MAML2: variants seen among roughly 807,000 people sequenced by gnomAD.
The protein encoded by MAML2 is mastermind like transcriptional coactivator 2, also known as mastermind-like protein 2.
MAML2 carries 22 observed loss-of-function variants against 96.1 expected under a neutral mutation model. The ratio of observed to expected loss-of-function variants is 0.23; its 90% CI spans 0.16 to 0.33. The LOEUF is 0.33. MAML2 is among the 10% of genes least tolerant of loss of function. The pLI is 1.00. For missense variants in MAML2, 1,367 were observed against 1,392.4 expected (o/e 0.98, Z 0.29); for synonymous variants, 561 against 521.3 (o/e 1.08, Z -1.04).
intron 1 of MAML2, among the ~76,000 whole-genome samples, chr11:96,145,353 G>A (rs1860799968): frequency 6.6e-6 from 1 of 152,172 alleles, no homozygotes; most frequent in South Asian, 2.1e-4. Flanking sequence ...ATCCTTGGAT[G>A]GAGACCAAGA....
At chr11:96,176,454 T>C (rs1289649015) in intron 1 of MAML2, among the ~76,000 whole-genome samples, 1 of 152,166 alleles carries the variant, frequency 6.6e-6, no homozygotes, top group Non-Finnish European at 1.5e-5. Context: ...AGCAGGGGAC[T>C]CATCTTGAGG....
chr11:96,287,975 C>T lies in MAML2; in HGVS notation c.513+53408G>A, dbSNP rs1047852237. On this transcript the variant is annotated intron_variant, in intron 1 of 4. Coordinates refer to ENST00000524717, the MANE Select transcript of MAML2 (RefSeq NM_032427.4). ...ACGGAGACACTGAATCCCAAAAGGG[C>T]CCTACATAAACTCTGAGAGTAAGCG... 5.3e-5 allele frequency among the ~76,000 whole-genome samples: 8 copies of T among 152,108 alleles called. No homozygotes were observed. In the East Asian group the frequency reaches 1.3e-3, roughly 26 times the overall value.
chr11:96,009,149 A>G (rs1427162157), intron 2 of MAML2, among the ~76,000 whole-genome samples: 1 of 152,242 alleles, frequency 6.6e-6, no homozygotes, highest in Non-Finnish European at 1.5e-5. Context: ...CATATAGGTC[A>G]TATGGAAGGA....
chr11:96,306,168 C>T (rs1591124308), intron 1 of MAML2, among the ~76,000 whole-genome samples: 1 of 152,020 alleles, frequency 6.6e-6, no homozygotes, highest in East Asian at 1.9e-4. Context: ...TTCAGTTGTG[C>T]CTTTGATCAC....
intron 1 of MAML2, among the ~76,000 whole-genome samples, chr11:96,218,551 T>C (rs1313278364): frequency 6.6e-6 from 1 of 152,212 alleles, no homozygotes; most frequent in Non-Finnish European, 1.5e-5. Context: ...TCCACAAAAT[T>C]ACTTTTGTGA....
chr11:96,213,379 T>C (rs936523423), intron 1 of MAML2, among the ~76,000 whole-genome samples: 1 of 152,220 alleles, frequency 6.6e-6, no homozygotes, highest in Admixed American at 6.5e-5. Flanking sequence ...CTCCTAATTC[T>C]ACTCTACTTT....
At chr11:96,121,779 G>GTTTTTTTTTTTTTTTTTTTTTTT (rs1405872923) in intron 1 of MAML2, among the ~76,000 whole-genome samples, 3 of 40,806 alleles carry the variant, frequency 7.4e-5, no homozygotes, top group Non-Finnish European at 1.4e-4. Flanking sequence ...CCAACTGCGT[G>GTTTTTTTTTTTTTTTTTTTTTTT]ATTTTTTTTT....
intron 2 of MAML2, among the ~76,000 whole-genome samples, chr11:96,066,404 C>A (rs1332246785): frequency 6.6e-6 from 1 of 152,152 alleles, no homozygotes; most frequent in African/African-American, 2.4e-5. Flanking sequence ...CTCAAAGGAC[C>A]CTCTGCCCAC....
At chr11:96,318,553 C>G (rs948359593) in intron 1 of MAML2, among the ~76,000 whole-genome samples, 1 of 151,854 alleles carries the variant, frequency 6.6e-6, no homozygotes, top group Non-Finnish European at 1.5e-5. Flanking sequence ...AAACAGATAC[C>G]CCTATTTCCT....
intron 1 of MAML2, among the ~76,000 whole-genome samples, chr11:96,251,489 G>A (rs914554010): frequency 6.6e-6 from 1 of 152,184 alleles, no homozygotes; most frequent in Non-Finnish European, 1.5e-5. Flanking sequence ...CAGAACTTAT[G>A]TAAGTAAATT....
chr11:96,174,524 C>T (rs1034176843), intron 1 of MAML2, among the ~76,000 whole-genome samples: 7 of 152,196 alleles, frequency 4.6e-5, no homozygotes, highest in African/African-American at 1.7e-4. Context: ...GCTTGGATTA[C>T]AGGCACCCGC....
At chr11:96,184,225 G>C (rs1322874746) in intron 1 of MAML2, among the ~76,000 whole-genome samples, 1 of 152,108 alleles carries the variant, frequency 6.6e-6, no homozygotes, top group Non-Finnish European at 1.5e-5. Flanking sequence ...GGCAGATCAC[G>C]AGGTCAGGAG....
chr11:96,119,644 G>GT (rs1860301458), intron 1 of MAML2, among the ~76,000 whole-genome samples: 1 of 152,172 alleles, frequency 6.6e-6, no homozygotes, highest in South Asian at 2.1e-4. Context: ...ACATAACCCA[G>GT]TTATCAGAGC....
intron 1 of MAML2, among the ~76,000 whole-genome samples, chr11:96,105,898 C>T (rs1416258939): frequency 6.6e-6 from 1 of 151,628 alleles, no homozygotes; most frequent in Non-Finnish European, 1.5e-5. Context: ...AAAACCTACA[C>T]TCCAGGCAAT....
chr11:96,067,704 A>C (rs1859266738), intron 2 of MAML2, among the ~76,000 whole-genome samples: 1 of 152,234 alleles, frequency 6.6e-6, no homozygotes, highest in Non-Finnish European at 1.5e-5. Flanking sequence ...GAGTTATTTG[A>C]ATATGATATT....
chr11:96,139,281 T>C (rs367838662), intron 1 of MAML2, among the ~76,000 whole-genome samples: 2 of 151,926 alleles, frequency 1.3e-5, no homozygotes, highest in Admixed American at 6.6e-5. Context: ...ATCGAGACCA[T>C]CCTGGCTAAC....
At chr11:96,231,238 G>A (rs919282170) in intron 1 of MAML2, among the ~76,000 whole-genome samples, 4 of 151,988 alleles carry the variant, frequency 2.6e-5, no homozygotes, top group Admixed American at 6.6e-5. Context: ...TCACAACTCC[G>A]AAAACACTTT....
chr11:96,185,772 T>C (rs1861565767), intron 1 of MAML2, among the ~76,000 whole-genome samples: 5 of 152,232 alleles, frequency 3.3e-5, no homozygotes, highest in Non-Finnish European at 5.9e-5. Flanking sequence ...ACCTTGTGTA[T>C]GCATCACCTC....
At chr11:96,236,134 G>A (rs924938735) in intron 1 of MAML2, among the ~76,000 whole-genome samples, 13 of 152,168 alleles carry the variant, frequency 8.5e-5, no homozygotes, top group Admixed American at 7.2e-4. Context: ...ATAGAAATGG[G>A]GCTGCTCACT....
Sources: gnomAD v4.1 joint callset for allele counts (sites outside exome capture counted in the v4.1 genomes callset) on GRCh38, gnomAD v4.1.1 for gene constraint, MANE v1.5 for transcripts, NCBI Gene and HGNC (gene_info 2026-07-23, HGNC 2026-07-21) for gene names.